The following ADARB2 variants were observed in gnomAD, a reference collection of about 807,000 sequenced individuals.
The protein encoded by ADARB2 is inactive double-stranded RNA-specific editase B2.
In ADARB2, 25 loss-of-function variants were observed where a neutral mutation model predicts 62.2. That is an observed-to-expected ratio of 0.40 (90% CI 0.29 to 0.56). The LOEUF is 0.56. Ranked by LOEUF, ADARB2 falls within the 20% of genes least tolerant of loss-of-function variation. The pLI is 0.43. For synonymous variants in ADARB2, 572 were observed against 500.8 expected, an observed-to-expected ratio of 1.14 and a Z score of -1.90; for missense variants, 1,071 against 1,077.4, an observed-to-expected ratio of 0.99 and a Z score of 0.08.
At chr10:1,284,605 C>A (rs1483213327) in intron 3 of ADARB2, among the ~76,000 whole-genome samples, 1 of 152,144 alleles carries the variant, frequency 6.6e-6, no homozygotes, top group Non-Finnish European at 1.5e-5. Context: ...ATAACTGTAG[C>A]AAAAGAGTTT....
intron 1 of ADARB2, among the ~76,000 whole-genome samples, chr10:1,658,207 T>C (rs11250711): frequency 0.28 from 43,037 of 151,466 alleles, 7,346 homozygotes; most frequent in East Asian, 0.41. Context: ...TCTTTTTCTG[T>C]CTCTCTCTGT....
chr10:1,375,175 C>T (rs1247138627), intron 2 of ADARB2, among the ~76,000 whole-genome samples: 1 of 152,188 alleles, frequency 6.6e-6, no homozygotes, highest in Non-Finnish European at 1.5e-5. Flanking sequence ...GCCTTTGTGC[C>T]GGGCAGCCTT....
chr10:1,583,245 G>A (rs1287059602), intron 1 of ADARB2, among the ~76,000 whole-genome samples: 1 of 152,280 alleles, frequency 6.6e-6, no homozygotes, highest in East Asian at 1.9e-4. Flanking sequence ...CACATGATAA[G>A]AGGATGGCAA....
intron 1 of ADARB2, among the ~76,000 whole-genome samples, chr10:1,418,938 T>C (rs113264935): frequency 6.6e-6 from 1 of 152,310 alleles, no homozygotes; most frequent in African/African-American, 2.4e-5. Context: ...CTTTGGTATG[T>C]AGGCTGCATG....
chr10:1,246,669 A>C (rs1830988732), intron 4 of ADARB2, among the ~76,000 whole-genome samples: 1 of 84,990 alleles, frequency 1.2e-5, no homozygotes, highest in Non-Finnish European at 2.4e-5. Flanking sequence ...GTTATTTCTG[A>C]GGGCTCTGTT....
intron 5 of ADARB2, among the ~76,000 whole-genome samples, chr10:1,234,414 G>A (rs1830842910): frequency 6.6e-6 from 1 of 152,104 alleles, no homozygotes; most frequent in South Asian, 2.1e-4. Flanking sequence ...TCTTACCCCC[G>A]CCTTGACATT....
At chr10:1,401,578 C>T (rs1370777376) in intron 1 of ADARB2, among the ~76,000 whole-genome samples, 2 of 152,200 alleles carry the variant, frequency 1.3e-5, no homozygotes, top group Non-Finnish European at 2.9e-5. Context: ...TCAATGGGAG[C>T]TCGCATGCTG....
At chr10:1,261,825 A>G (rs1831140093) in intron 4 of ADARB2, among the ~76,000 whole-genome samples, 2 of 150,196 alleles carry the variant, frequency 1.3e-5, no homozygotes, top group African/African-American at 5.1e-5. Context: ...TCTTGCTGCT[A>G]TAAAGACACA....
At chr10:1,377,240 C>CGCCCCTGGGGTGTGTGTGTTTGTGTGT (rs1832440856) in intron 2 of ADARB2, among the ~76,000 whole-genome samples, 1 of 106,774 alleles carries the variant, frequency 9.4e-6, no homozygotes, top group Non-Finnish European at 1.8e-5. Flanking sequence ...TGTTTGTGTG[C>CGCCCCTGGGGTGTGTGTGTTTGTGTGT]GCCCCTGGGG....
chr10:1,355,941 A>G (rs756859319), intron 3 of ADARB2, among the ~76,000 whole-genome samples: 2 of 152,152 alleles, frequency 1.3e-5, no homozygotes, highest in Non-Finnish European at 1.5e-5. Flanking sequence ...TATACATTGT[A>G]TACATGTATA....
intron 1 of ADARB2, among the ~76,000 whole-genome samples, chr10:1,702,924 C>T (rs1463159984): frequency 6.6e-6 from 1 of 152,234 alleles, no homozygotes; most frequent in Non-Finnish European, 1.5e-5. Flanking sequence ...CTACTGTTAT[C>T]TTCAGATGGT....
intron 1 of ADARB2, among the ~76,000 whole-genome samples, chr10:1,735,278 A>G (rs537979748): frequency 6.6e-6 from 1 of 152,340 alleles, no homozygotes; most frequent in African/African-American, 2.4e-5. Context: ...TTGAATTGCT[A>G]AAGTTAAGTT....
chr10:1,567,609 C>G (rs1387722488), intron 1 of ADARB2, among the ~76,000 whole-genome samples: 1 of 152,220 alleles, frequency 6.6e-6, no homozygotes, highest in Non-Finnish European at 1.5e-5. Flanking sequence ...CGTGGCCAGG[C>G]ATGGAGGCTT....
intron 1 of ADARB2, among the ~76,000 whole-genome samples, chr10:1,483,913 T>C (rs79235772): frequency 0.02 from 3,024 of 152,314 alleles, 81 homozygotes; most frequent in African/African-American, 0.065. Flanking sequence ...TATTCCGCCA[T>C]GCGCCAGGGG....
chr10:1,406,150 A>C lies in ADARB2; in HGVS notation c.101-26990T>G, dbSNP rs145011927. On this transcript the variant is annotated intron_variant, in intron 1 of 9. Coordinates refer to ENST00000381312, the MANE Select transcript of ADARB2 (RefSeq NM_018702.4). ...ATCTCCAGCCATGGTGGAGGTGTGG[A>C]TTTTCACTGCGATGAGCTTGCTGAA... Among the ~76,000 whole-genome samples the C allele has an allele frequency of 3.3e-5, 5 of 152,264 alleles. No individual in the cohort carries two copies. In the East Asian group the frequency reaches 7.7e-4, roughly 23 times the overall value.
chr10:1,597,241 G>A (rs553875428), intron 1 of ADARB2, among the ~76,000 whole-genome samples: 23 of 152,032 alleles, frequency 1.5e-4, no homozygotes, highest in African/African-American at 5.3e-4. Context: ...TGGGGGAGGG[G>A]GATATGTGTA....
chr10:1,317,158 C>A (rs1021385176), intron 3 of ADARB2, among the ~76,000 whole-genome samples: 13 of 152,190 alleles, frequency 8.5e-5, no homozygotes, highest in African/African-American at 3.1e-4. Context: ...TCACTTTTAG[C>A]CGATTTTTAT....
intron 6 of ADARB2, among the ~76,000 whole-genome samples, chr10:1,222,502 C>T (rs1830704119): frequency 6.7e-6 from 1 of 150,192 alleles, no homozygotes; most frequent in Non-Finnish European, 1.5e-5. Flanking sequence ...TGCCAATGTC[C>T]TGAATGGTAT....
intron 1 of ADARB2, among the ~76,000 whole-genome samples, chr10:1,391,368 G>C (rs552447614): frequency 7.2e-5 from 11 of 152,264 alleles, no homozygotes; most frequent in African/African-American, 2.6e-4. Context: ...CTGCCCATCA[G>C]ACACCTGATC....
Sources: allele counts gnomAD v4.1 joint callset (sites outside exome capture counted in the v4.1 genomes callset), GRCh38; gene constraint gnomAD v4.1.1; transcripts MANE v1.5; gene names NCBI Gene and HGNC (gene_info 2026-07-23, HGNC 2026-07-21).